COL23A1: variants seen among roughly 807,000 people sequenced by gnomAD.
COL23A1 encodes collagen alpha-1(XXIII) chain.
Under a neutral mutation model 99.3 loss-of-function variants are expected in COL23A1, and 97 were observed. That is an observed-to-expected ratio of 0.98 (90% CI 0.83 to 1.16). COL23A1 has a LOEUF of 1.16. COL23A1 is among the 50% of genes most tolerant of loss of function. The pLI is 0.00. For synonymous variants in COL23A1, 320 were observed against 308.2 expected (o/e 1.04, Z -0.40); for missense variants, 762 against 757.4 (o/e 1.01, Z -0.07).
chr5:178,425,019 G>A (rs1393422457), intron 2 of COL23A1, among the ~76,000 whole-genome samples: 1 of 152,214 alleles, frequency 6.6e-6, no homozygotes, highest in Non-Finnish European at 1.5e-5. Context: ...TCTCTCCACC[G>A]ACCACTGACA....
chr5:178,471,836 T>C (rs1756766947), intron 2 of COL23A1, among the ~76,000 whole-genome samples: 2 of 152,132 alleles, frequency 1.3e-5, no homozygotes, highest in Admixed American at 1.3e-4. Context: ...TCAGCTTGCC[T>C]CGCCCCTCCC....
chr5:178,441,970 G>A lies in COL23A1; in HGVS notation c.361+118712C>T, dbSNP rs551519263. Among the ~76,000 whole-genome samples the A allele has an allele frequency of 4.6e-5, 7 of 152,270 alleles. No individual in the cohort carries two copies. In the South Asian group the frequency reaches 1.5e-3, roughly 32 times the overall value. On this transcript the variant is annotated intron_variant, in intron 2 of 28. Coordinates refer to ENST00000390654, the MANE Select transcript of COL23A1 (RefSeq NM_173465.4). ...CCAGGCAGAGGGTCCAGTGGCTCAT[G>A]CCTCAGTTTCCCTGCCCCAAATCCT...
At chr5:178,242,480 C>T (rs1472836171) in intron 25 of COL23A1, 86 bp from the exon 26 acceptor site, 3 of 1,337,452 alleles carry the variant, frequency 2.2e-6, no homozygotes, top group Non-Finnish European at 2.1e-6. Context: ...CCTCTCCCAT[C>T]CACACGCCCA....
intron 1 of COL23A1, among the ~76,000 whole-genome samples, chr5:178,577,563 G>C (rs1420739536): frequency 6.6e-6 from 1 of 152,170 alleles, no homozygotes; most frequent in Non-Finnish European, 1.5e-5. Flanking sequence ...GCGGGGCCTG[G>C]GGAGGAGACC....
At chr5:178,534,972 C>CTTTTTTT (rs35460582) in intron 2 of COL23A1, among the ~76,000 whole-genome samples, 3 of 130,086 alleles carry the variant, frequency 2.3e-5, no homozygotes, top group Non-Finnish European at 3.2e-5. Flanking sequence ...TTTCCTTTTT[C>CTTTTTTT]TTTTTTTTTT....
intron 5 of COL23A1, among the ~76,000 whole-genome samples, chr5:178,278,906 C>T (rs949017725): frequency 9.9e-5 from 15 of 152,214 alleles, no homozygotes; most frequent in African/African-American, 3.6e-4. Context: ...GCTGGGCCAG[C>T]CCTGGGGTAA....
intron 2 of COL23A1, among the ~76,000 whole-genome samples, chr5:178,531,991 T>A (rs1327651555): frequency 6.6e-6 from 1 of 152,210 alleles, no homozygotes; most frequent in East Asian, 1.9e-4. Context: ...AGCCCCCAGC[T>A]GACAACCAGA....
At chr5:178,345,579 C>G (rs1400063657) in intron 2 of COL23A1, among the ~76,000 whole-genome samples, 1 of 151,660 alleles carries the variant, frequency 6.6e-6, no homozygotes, top group Non-Finnish European at 1.5e-5. Context: ...TGCAGTGGCG[C>G]GATCTCGACT....
Position 178,590,310 on chromosome 5 carries a change from G to GTTA in COL23A1, c.-116_-114dup, listed in dbSNP as rs1764207117. On this transcript the variant is annotated 5_prime_UTR_variant, in exon 1 of 29. Transcript: ENST00000390654. This position sits in a 1 kb window ranked among gnomAD's most constrained non-coding sequence, Gnocchi z 5.7. ...GGCACGAGGTCCGCCGGGCGCGGGG[G>GTTA]TTAGCCTCCGGGTAGCAGCGGATCG... 1 of 980,392 alleles carries GTTA rather than the reference G, an allele frequency of 1.0e-6. No homozygotes were observed. Among genetic ancestry groups the GTTA allele is most frequent in the South Asian group, 5.1e-5 (1 of 19,650 alleles). The allele number at this position is 980,392 out of a possible 1,614,324, so 60.7% of individuals were successfully genotyped here.
intron 2 of COL23A1, among the ~76,000 whole-genome samples, chr5:178,374,764 G>A (rs1224073732): frequency 1.3e-5 from 2 of 152,180 alleles, no homozygotes; most frequent in African/African-American, 4.8e-5. Context: ...CTCATACATG[G>A]CTGGTGGGAA....
chr5:178,385,234 C>T (rs763682443), intron 2 of COL23A1, among the ~76,000 whole-genome samples: 30 of 152,138 alleles, frequency 2.0e-4, no homozygotes, highest in Non-Finnish European at 3.4e-4. Flanking sequence ...CTGGGCCTTC[C>T]GCTCTGGCAG....
At chr5:178,577,534 T>G (rs1346758269) in intron 1 of COL23A1, among the ~76,000 whole-genome samples, 1 of 152,046 alleles carries the variant, frequency 6.6e-6, no homozygotes, top group Non-Finnish European at 1.5e-5. Context: ...CCGCTGGGGC[T>G]TTCAGCAGGG....
chr5:178,478,283 G>A (rs1412238977), intron 2 of COL23A1, among the ~76,000 whole-genome samples: 2 of 152,216 alleles, frequency 1.3e-5, no homozygotes, highest in African/African-American at 4.8e-5. Flanking sequence ...TGCCTGGAGG[G>A]TCAGGAGAAT....
chr5:178,449,819 T>C (rs192251637), intron 2 of COL23A1, among the ~76,000 whole-genome samples: 1 of 152,182 alleles, frequency 6.6e-6, no homozygotes. Context: ...GGGCACTGAG[T>C]GGCATCCAGC....
At position 178,523,181 on chromosome 5, in the gene COL23A1, CATATAT is replaced by C. The variant is rs375162340; in HGVS notation, c.361+37495_361+37500del. ...ATATATACATATATATATATATACA[CATATAT>C]ATATATATATATATAGAGAGAGAGA... On this transcript the variant is annotated intron_variant, in intron 2 of 28. Coordinates refer to ENST00000390654, the MANE Select transcript of COL23A1 (RefSeq NM_173465.4). Among the ~76,000 whole-genome samples, 365 of 90,416 alleles carry C rather than the reference CATATAT, an allele frequency of 4.0e-3. 2 individuals carry two copies. The highest frequency in any genetic ancestry group is 0.029 in the South Asian group (75 of 2,620). 59.3% of individuals were successfully genotyped at this position (90,416 alleles called of 152,430 possible).
chr5:178,239,274 C>A, intron 27 of COL23A1, 95 bp from the exon 28 acceptor site: 1 of 1,423,868 alleles, frequency 7.0e-7, no homozygotes, highest in South Asian at 1.2e-5. Flanking sequence ...AGGTGCAGGC[C>A]AGGGAGCGGC....
chr5:178,541,553 T>C (rs111318903), intron 2 of COL23A1, among the ~76,000 whole-genome samples: 8,151 of 152,274 alleles, frequency 0.054, 347 homozygotes, highest in South Asian at 0.14. Context: ...CCAGCCTGGG[T>C]GACAGAGTGA....
chr5:178,274,971 C>T (rs1756503789), intron 5 of COL23A1, among the ~76,000 whole-genome samples: 1 of 152,216 alleles, frequency 6.6e-6, no homozygotes, highest in South Asian at 2.1e-4. Context: ...GGAGATCAGC[C>T]GGGCTCCGGG....
chr5:178,516,127 G>A (rs556817776), intron 2 of COL23A1, among the ~76,000 whole-genome samples: 6 of 152,216 alleles, frequency 3.9e-5, no homozygotes, highest in East Asian at 1.9e-4. Context: ...CCCCGTCCTC[G>A]TCCTCATTTC....
Sources: gnomAD v4.1 joint callset for allele counts (sites outside exome capture counted in the v4.1 genomes callset) on GRCh38, gnomAD v4.1.1 for gene constraint, Gnocchi (gnomAD v3.1) non-coding constraint, MANE v1.5 for transcripts, NCBI Gene and HGNC (gene_info 2026-07-23, HGNC 2026-07-21) for gene names.